PTPRD: variants seen among roughly 807,000 people sequenced by gnomAD.
PTPRD encodes receptor-type tyrosine-protein phosphatase delta.
A neutral mutation model predicts 214.5 loss-of-function variants in PTPRD; 34 were observed. That is an observed-to-expected ratio of 0.16 (90% CI 0.12 to 0.21). The LOEUF (loss-of-function observed/expected upper bound fraction) is 0.21, where lower values mean the gene tolerates loss of function less well. PTPRD is among the 10% of genes least tolerant of loss of function. The pLI, the probability that PTPRD is intolerant of heterozygous loss-of-function variation, is 1.00. For synonymous variants in PTPRD, 1,128 were observed against 845.7 expected (o/e 1.33, Z -5.79); for missense variants, 2,545 against 2,398.7 (o/e 1.06, Z -1.27).
At chr9:9,535,371 C>G (rs939790483) in intron 8 of PTPRD, among the ~76,000 whole-genome samples, 2 of 152,078 alleles carry the variant, frequency 1.3e-5, no homozygotes, top group African/African-American at 4.8e-5. Context: ...TCTGAAAAGA[C>G]AGCATAACAC....
intron 2 of PTPRD, among the ~76,000 whole-genome samples, chr9:10,414,884 C>T (rs947618146): frequency 6.6e-6 from 1 of 151,608 alleles, no homozygotes; most frequent in Admixed American, 6.6e-5. Context: ...ATGATGAGAA[C>T]TCATGGATAC....
At chr9:8,526,554 C>A in intron 17 of PTPRD, 73 bp downstream of exon 17, 2 of 1,343,470 alleles carry the variant, frequency 1.5e-6, no homozygotes, top group Admixed American at 2.4e-5. Context: ...GAAAACAGGA[C>A]AAAGATGAGA....
chr9:10,206,551 T>C (rs1452290607), intron 3 of PTPRD, among the ~76,000 whole-genome samples: 1 of 152,220 alleles, frequency 6.6e-6, no homozygotes, highest in African/African-American at 2.4e-5. Flanking sequence ...CTACTGGATG[T>C]ATCAGATAAG....
intron 39 of PTPRD, among the ~76,000 whole-genome samples, chr9:8,373,939 C>G (rs1399268009): frequency 6.7e-6 from 1 of 148,646 alleles, no homozygotes; most frequent in Non-Finnish European, 1.5e-5. Flanking sequence ...TCTCAGTTTT[C>G]TAGTGCCTCC....
At chr9:8,938,890 T>A (rs1390555110) in intron 11 of PTPRD, among the ~76,000 whole-genome samples, 1 of 152,162 alleles carries the variant, frequency 6.6e-6, no homozygotes, top group East Asian at 1.9e-4. Flanking sequence ...TTCCCTTCAT[T>A]GCCATGTAAT....
At chr9:9,370,312 G>C (rs556473705) in intron 9 of PTPRD, among the ~76,000 whole-genome samples, 23 of 151,962 alleles carry the variant, frequency 1.5e-4, no homozygotes, top group Non-Finnish European at 2.5e-4. Flanking sequence ...AGTTCTCCTT[G>C]AAGAGGTCCT....
chr9:10,411,754 C>G (rs2154508490), intron 2 of PTPRD, among the ~76,000 whole-genome samples: 1 of 151,676 alleles, frequency 6.6e-6, no homozygotes, highest in South Asian at 2.1e-4. Context: ...TTTATATAAT[C>G]ATTAGTAATT....
rs185658049 is a variant in PTPRD at position 9,487,176 on chromosome 9, C to T, written c.-237+87556G>A. 2.3e-3 allele frequency among the ~76,000 whole-genome samples: 346 copies of T among 152,072 alleles called. 1 individual carries two copies. Among genetic ancestry groups the T allele is most frequent in the African/African-American group, 7.4e-3 (307 of 41,492 alleles). ...CTGCACCCATTAACTTGTCATTTAG[C>T]ATTAGGTATATCTCCTAATGCTATC... On this transcript the variant is annotated intron_variant, in intron 8 of 45. Transcript: ENST00000381196.
chr9:10,208,131 C>T (rs1199652208), intron 3 of PTPRD, among the ~76,000 whole-genome samples: 3 of 152,332 alleles, frequency 2.0e-5, no homozygotes, highest in African/African-American at 7.2e-5. Flanking sequence ...GAGGACTTTG[C>T]TGTTAAAGTC....
At chr9:8,621,813 G>T (rs1307037479) in intron 14 of PTPRD, among the ~76,000 whole-genome samples, 3 of 151,838 alleles carry the variant, frequency 2.0e-5, no homozygotes, top group African/African-American at 7.2e-5. Flanking sequence ...AAAAATTTGA[G>T]TGTAAATAAA....
intron 5 of PTPRD, among the ~76,000 whole-genome samples, chr9:9,820,038 T>C (rs900095399): frequency 6.6e-6 from 1 of 152,160 alleles, no homozygotes; most frequent in Non-Finnish European, 1.5e-5. Flanking sequence ...GATAGTCCTG[T>C]TCTATGTTCT....
At chr9:9,050,647 C>T (rs2099683170) in intron 10 of PTPRD, among the ~76,000 whole-genome samples, 1 of 151,354 alleles carries the variant, frequency 6.6e-6, no homozygotes, top group South Asian at 2.1e-4. Flanking sequence ...GACAGTCTTG[C>T]TCCTTCCTAC....
chr9:9,752,864 G>A (rs973241391), intron 6 of PTPRD, among the ~76,000 whole-genome samples: 1 of 151,996 alleles, frequency 6.6e-6, no homozygotes, highest in Non-Finnish European at 1.5e-5. Flanking sequence ...ACCTCAGATT[G>A]AGGTCATTTG....
intron 8 of PTPRD, among the ~76,000 whole-genome samples, chr9:9,529,930 T>C (rs1349063127): frequency 2.0e-5 from 3 of 151,986 alleles, no homozygotes; most frequent in African/African-American, 4.8e-5. Context: ...GTATAAATAA[T>C]AGCAACATCT....
Position 8,519,663 on chromosome 9 carries a change from G to A in PTPRD, c.962-1234C>T, listed in dbSNP as rs72694774. ...ACTCGGTAGGTTTTTAATGAGAATCGTTAAACAGTTAACTGAATAAATGAG... is the reference window on the plus strand; with the variant it reads ...ACTCGGTAGGTTTTTAATGAGAATCATTAAACAGTTAACTGAATAAATGAG... On this transcript the variant is annotated intron_variant, in intron 20 of 45. Coordinates refer to ENST00000381196, the MANE Select transcript of PTPRD (RefSeq NM_002839.4). Among the ~76,000 whole-genome samples the A allele has an allele frequency of 4.6e-3, 694 of 152,252 alleles. 3 individuals carry two copies. The highest frequency in any genetic ancestry group is 8.7e-3 in the African/African-American group (361 of 41,550).
intron 3 of PTPRD, among the ~76,000 whole-genome samples, chr9:10,139,304 G>A (rs998453715): frequency 6.6e-6 from 1 of 151,022 alleles, no homozygotes; most frequent in Non-Finnish European, 1.5e-5. Flanking sequence ...AAAATGCCCA[G>A]GAATACTGCT....
At chr9:9,486,982 G>A (rs1450708893) in intron 8 of PTPRD, among the ~76,000 whole-genome samples, 1 of 151,954 alleles carries the variant, frequency 6.6e-6, no homozygotes, top group Non-Finnish European at 1.5e-5. Flanking sequence ...GTCTTTTCTG[G>A]TGCCAGTACC....
intron 11 of PTPRD, among the ~76,000 whole-genome samples, chr9:8,897,262 G>C (rs1457496685): frequency 2.0e-5 from 3 of 152,114 alleles, no homozygotes; most frequent in African/African-American, 7.2e-5. Context: ...CATGCAGACT[G>C]ACTCATAGCT....
intron 6 of PTPRD, among the ~76,000 whole-genome samples, chr9:9,740,066 T>C (rs1308626574): frequency 6.6e-6 from 1 of 152,194 alleles, no homozygotes; most frequent in African/African-American, 2.4e-5. Flanking sequence ...ACTTGCCTTA[T>C]GATTCAGCAT....
Sources: allele counts gnomAD v4.1 joint callset (sites outside exome capture counted in the v4.1 genomes callset), GRCh38; gene constraint gnomAD v4.1.1; transcripts MANE v1.5; gene names NCBI Gene and HGNC (gene_info 2026-07-23, HGNC 2026-07-21).